Variants in ARHGAP42 observed in about 807,000 individuals in gnomAD.
ARHGAP42 encodes the protein Rho GTPase activating protein 42.
Under a neutral mutation model 125.0 loss-of-function variants are expected in ARHGAP42, and 63 were observed. The observed-to-expected ratio is 0.50, with a 90% CI of 0.41 to 0.62. The LOEUF is 0.62. Ranked by LOEUF, ARHGAP42 falls within the 20% of genes least tolerant of loss-of-function variation. The probability of loss-of-function intolerance (pLI) is 0.00; values close to 1 mark genes in which losing one functional copy is unlikely to be tolerated. For synonymous variants in ARHGAP42, 339 were observed against 351.0 expected (o/e 0.97, Z 0.38); for missense variants, 766 against 1,024.2 (o/e 0.75, Z 3.44).
intron 1 of ARHGAP42, among the ~76,000 whole-genome samples, chr11:100,741,429 T>TAG (rs1319291779): frequency 6.6e-6 from 1 of 152,164 alleles, no homozygotes; most frequent in Non-Finnish European, 1.5e-5. Context: ...TGTGTGTGAA[T>TAG]AGAGAGAGGG....
At chr11:100,833,155 G>A (rs187174742) in intron 3 of ARHGAP42, among the ~76,000 whole-genome samples, 272 of 152,298 alleles carry the variant, frequency 1.8e-3, no homozygotes, top group African/African-American at 6.2e-3. Flanking sequence ...AGCATTGAAA[G>A]TAAAGTTATT....
chr11:100,818,324 G>T (rs1178440902), intron 3 of ARHGAP42, among the ~76,000 whole-genome samples: 1 of 152,104 alleles, frequency 6.6e-6, no homozygotes, highest in East Asian at 1.9e-4. Flanking sequence ...GTAAGACAAG[G>T]GTCCATTCTT....
At chr11:100,957,918 T>A (rs514403) in intron 12 of ARHGAP42, among the ~76,000 whole-genome samples, 134,193 of 152,022 alleles carry the variant, frequency 0.88, 59,317 homozygotes, top group East Asian at 1. Context: ...TTTATGTCAC[T>A]ACTATCTTCA....
At chr11:100,793,755 G>A (rs1330904006) in intron 2 of ARHGAP42, among the ~76,000 whole-genome samples, 1 of 152,086 alleles carries the variant, frequency 6.6e-6, no homozygotes, top group African/African-American at 2.4e-5. Flanking sequence ...GATGGGGAAA[G>A]GAAGTGAGTA....
chr11:100,974,378 C>A (rs1218349531), intron 18 of ARHGAP42, 81 bp from the exon 19 acceptor site: 15 of 1,316,540 alleles, frequency 1.1e-5, no homozygotes, highest in Non-Finnish European at 1.4e-5. Flanking sequence ...GATTAAGTAG[C>A]ATATGGTTCA....
intron 18 of ARHGAP42, 30 bp from the exon 19 acceptor site, chr11:100,974,429 T>C (rs369795442): frequency 1.1e-4 from 175 of 1,543,990 alleles, no homozygotes; most frequent in Non-Finnish European, 1.0e-4. Flanking sequence ...CACCCTTTTA[T>C]TGACCTTGGT....
intron 4 of ARHGAP42, among the ~76,000 whole-genome samples, chr11:100,860,522 C>T (rs1409890705): frequency 2.0e-5 from 3 of 152,002 alleles, no homozygotes; most frequent in Admixed American, 6.6e-5. Context: ...AACTTTGCTA[C>T]CCACCAGCAG....
intron 3 of ARHGAP42, among the ~76,000 whole-genome samples, chr11:100,833,839 T>A (rs1591220750): frequency 1.3e-5 from 2 of 152,210 alleles, no homozygotes; most frequent in African/African-American, 4.8e-5. Flanking sequence ...AATTGGGCTG[T>A]ACCTCTTGAT....
At chr11:100,959,324 T>C (rs548619637) in intron 12 of ARHGAP42, among the ~76,000 whole-genome samples, 1 of 152,190 alleles carries the variant, frequency 6.6e-6, no homozygotes, top group Admixed American at 6.6e-5. Flanking sequence ...TGACAATGCA[T>C]GTTTTGAATT....
intron 1 of ARHGAP42, among the ~76,000 whole-genome samples, chr11:100,725,711 G>A (rs1861845326): frequency 6.6e-6 from 1 of 151,830 alleles, no homozygotes; most frequent in Non-Finnish European, 1.5e-5. Flanking sequence ...GCCGATGTGG[G>A]CGGATCACGA....
intron 4 of ARHGAP42, among the ~76,000 whole-genome samples, chr11:100,888,513 C>T (rs1267670350): frequency 1.3e-5 from 2 of 152,006 alleles, no homozygotes; most frequent in Admixed American, 6.6e-5. Flanking sequence ...GGCCAGTTAA[C>T]TAAAATTTTC....
chr11:100,816,333 T>C (rs975998294), intron 3 of ARHGAP42, among the ~76,000 whole-genome samples: 8 of 152,126 alleles, frequency 5.3e-5, no homozygotes, highest in Non-Finnish European at 1.0e-4. Flanking sequence ...TTTTTTTTGA[T>C]AGTAGCCATC....
At chr11:100,866,573 G>C (rs570880500) in intron 4 of ARHGAP42, among the ~76,000 whole-genome samples, 81 of 152,248 alleles carry the variant, frequency 5.3e-4, no homozygotes, top group African/African-American at 1.8e-3. Context: ...GGTTGTGGAG[G>C]CCTCAGGAAA....
At chr11:100,719,682 T>C (rs1454488518) in intron 1 of ARHGAP42, among the ~76,000 whole-genome samples, 1 of 152,164 alleles carries the variant, frequency 6.6e-6, no homozygotes, top group Non-Finnish European at 1.5e-5. Flanking sequence ...GTGTGTGTTG[T>C]GTGTGCAGGT....
intron 1 of ARHGAP42, among the ~76,000 whole-genome samples, chr11:100,737,335 A>G (rs1862087544): frequency 6.6e-6 from 1 of 152,218 alleles, no homozygotes. Context: ...GCAGCTACAA[A>G]GAAGATGCTT....
chr11:100,901,574 T>TC (rs1024745186), intron 4 of ARHGAP42, among the ~76,000 whole-genome samples: 82 of 152,336 alleles, frequency 5.4e-4, no homozygotes, highest in African/African-American at 1.9e-3. Context: ...TCTGCCCTGT[T>TC]CGAGCTTGCC....
intron 16 of ARHGAP42, among the ~76,000 whole-genome samples, chr11:100,964,307 G>C (rs1858034283): frequency 6.6e-6 from 1 of 152,102 alleles, no homozygotes; most frequent in South Asian, 2.1e-4. Context: ...TCTCATCTTT[G>C]TTCTCTACTG....
chr11:100,968,954 G>A (rs1192507143), intron 17 of ARHGAP42, among the ~76,000 whole-genome samples: 1 of 151,504 alleles, frequency 6.6e-6, no homozygotes, highest in African/African-American at 2.4e-5. Context: ...GTGTGTGTTT[G>A]TTTGTTTTTA....
intron 3 of ARHGAP42, among the ~76,000 whole-genome samples, chr11:100,838,476 G>T (rs1000510540): frequency 6.6e-6 from 1 of 152,030 alleles, no homozygotes; most frequent in Non-Finnish European, 1.5e-5. Context: ...GGAGGCTGAG[G>T]CAGGAGAATC....
Sources: allele counts gnomAD v4.1 joint callset (sites outside exome capture counted in the v4.1 genomes callset), GRCh38; gene constraint gnomAD v4.1.1; transcripts MANE v1.5; gene names NCBI Gene and HGNC (gene_info 2026-07-23, HGNC 2026-07-21).